Variants in TMEM108 observed in about 807,000 individuals in gnomAD.
The protein encoded by TMEM108 is cancer/testis antigen 124.
Under a neutral mutation model 35.1 loss-of-function variants are expected in TMEM108, and 12 were observed. The observed-to-expected ratio is 0.34, with a 90% CI of 0.22 to 0.55. The LOEUF is 0.55. TMEM108 is among the 20% of genes least tolerant of loss of function. The pLI, the probability that TMEM108 is intolerant of heterozygous loss-of-function variation, is 0.89. For synonymous variants in TMEM108, 287 were observed against 308.6 expected (o/e 0.93, Z 0.73); for missense variants, 680 against 753.3 (o/e 0.90, Z 1.14).
intron 2 of TMEM108, among the ~76,000 whole-genome samples, chr3:133,089,546 A>G (rs1943923960): frequency 1.3e-5 from 2 of 152,162 alleles, no homozygotes; most frequent in Non-Finnish European, 1.5e-5. Context: ...GAGTCTAGTG[A>G]CACCAATTAT....
In TMEM108 at chr3:133,073,510, CTATATATATA is replaced by C. The variant is rs1183039173; in HGVS notation, c.-47+27506_-47+27515del. 2.7e-4 allele frequency among the ~76,000 whole-genome samples: 12 copies of C among 43,910 alleles called. 1 individual carries two copies. Among genetic ancestry groups the C allele is most frequent in the African/African-American group, 3.6e-4 (3 of 8,430 alleles). 28.8% of individuals were successfully genotyped at this position (43,910 alleles called of 152,430 possible). ...TCTCTCTCTCTCTCTCTCTCTCTCT[CTATATATATA>C]TATATATATATATATCACATTTTCT... is the stretch of plus-strand genomic sequence containing the variant. On this transcript the variant is annotated intron_variant, in intron 2 of 5. Transcript: ENST00000321871.
At chr3:133,245,870 AAAT>A (rs894941708) in intron 3 of TMEM108, among the ~76,000 whole-genome samples, 41 of 152,348 alleles carry the variant, frequency 2.7e-4, no homozygotes, top group Admixed American at 1.7e-3. Flanking sequence ...AAAGCAATTT[AAAT>A]AATATTTGTA....
intron 2 of TMEM108, among the ~76,000 whole-genome samples, chr3:133,165,930 G>C (rs143900753): frequency 6.6e-6 from 1 of 152,200 alleles, no homozygotes; most frequent in East Asian, 1.9e-4. Context: ...GTCTTTTCAG[G>C]GCATGAAGGC....
intron 2 of TMEM108, among the ~76,000 whole-genome samples, chr3:133,184,463 CTT>C (rs1474755223): frequency 1.3e-5 from 2 of 152,126 alleles, no homozygotes; most frequent in Non-Finnish European, 2.9e-5. Flanking sequence ...GCAAAGAACT[CTT>C]TAAGATACTT....
intron 2 of TMEM108, among the ~76,000 whole-genome samples, chr3:133,221,045 G>T (rs1267214991): frequency 2.0e-5 from 3 of 152,222 alleles, no homozygotes; most frequent in Non-Finnish European, 4.4e-5. Flanking sequence ...TCCCTGTGGA[G>T]TTGGGGTATA....
chr3:133,150,435 C>T (rs551020738), intron 2 of TMEM108, among the ~76,000 whole-genome samples: 55 of 142,032 alleles, frequency 3.9e-4, no homozygotes, highest in African/African-American at 1.4e-3. Flanking sequence ...GATATAATAG[C>T]AAATATTTTC....
intron 3 of TMEM108, among the ~76,000 whole-genome samples, chr3:133,335,538 A>C (rs2071477352): frequency 6.6e-6 from 1 of 152,222 alleles, no homozygotes; most frequent in Admixed American, 6.5e-5. Flanking sequence ...GATAAAATAT[A>C]ATTGTTGTGA....
intron 2 of TMEM108, among the ~76,000 whole-genome samples, chr3:133,192,141 G>GGATGC (rs1386612201): frequency 2.0e-5 from 3 of 152,182 alleles, no homozygotes; most frequent in African/African-American, 7.2e-5. Context: ...GCAGGAGGAA[G>GGATGC]AGTTACAATT....
intron 2 of TMEM108, among the ~76,000 whole-genome samples, chr3:133,109,114 G>A (rs1026182803): frequency 3.9e-5 from 6 of 152,044 alleles, no homozygotes; most frequent in East Asian, 1.9e-4. Flanking sequence ...AGAATGATAC[G>A]GTGGAAAGAA....
chr3:133,133,725 G>GT (rs1944524735), intron 2 of TMEM108, among the ~76,000 whole-genome samples: 1 of 130,654 alleles, frequency 7.7e-6, no homozygotes, highest in Admixed American at 8.6e-5. Flanking sequence ...GAGTCTCGCT[G>GT]TATCACCCAG....
chr3:133,388,243 G>A (rs2073183409), intron 4 of TMEM108: 1 of 985,390 alleles, frequency 1.0e-6, no homozygotes, highest in African/African-American at 1.7e-5. Flanking sequence ...TGCAGGAGCA[G>A]AGTGAAAGGT....
chr3:133,068,274 C>G (rs1402252367), intron 2 of TMEM108, among the ~76,000 whole-genome samples: 1 of 152,042 alleles, frequency 6.6e-6, no homozygotes, highest in East Asian at 1.9e-4. Flanking sequence ...TTAGCTGAGA[C>G]ATGACCAATG....
At chr3:133,089,139 A>G (rs778980110) in intron 2 of TMEM108, among the ~76,000 whole-genome samples, 43 of 152,274 alleles carry the variant, frequency 2.8e-4, no homozygotes, top group South Asian at 8.3e-4. Context: ...GGATAGTGCT[A>G]AACTAATTAT....
At chr3:133,303,411 A>G (rs964426513) in intron 3 of TMEM108, 7 of 152,332 alleles carry the variant, frequency 4.6e-5, no homozygotes, top group African/African-American at 1.4e-4. Context: ...AATGAACCTT[A>G]TCAAGGTTTT....
At chr3:133,238,187 A>G (rs889245951) in intron 3 of TMEM108, among the ~76,000 whole-genome samples, 3 of 152,142 alleles carry the variant, frequency 2.0e-5, no homozygotes, top group Admixed American at 2.0e-4. Context: ...ATCATAACAC[A>G]TACTCTGTCC....
chr3:133,192,248 A>G (rs1349813424), intron 2 of TMEM108, among the ~76,000 whole-genome samples: 1 of 152,218 alleles, frequency 6.6e-6, no homozygotes, highest in Non-Finnish European at 1.5e-5. Flanking sequence ...TTACCGAAAT[A>G]TAAAAGCAGT....
chr3:133,109,298 A>G lies in TMEM108; in HGVS notation c.-47+63278A>G, dbSNP rs564550986. The stretch of plus-strand genomic sequence containing the variant: ...AGGTTCATTCTAATTACAATACTCT[A>G]TAACTTGTGATTCCTTTTATGAACT... On this transcript the variant is annotated intron_variant, in intron 2 of 5. Transcript: ENST00000321871. Among the ~76,000 whole-genome samples the G allele has an allele frequency of 1.6e-4, 25 of 152,250 alleles. No homozygotes were observed. The South Asian group carries it at 4.4e-3, about 27-fold the overall frequency.
intron 2 of TMEM108, among the ~76,000 whole-genome samples, chr3:133,180,019 A>T (rs1262164605): frequency 6.6e-6 from 1 of 152,180 alleles, no homozygotes; most frequent in African/African-American, 2.4e-5. Flanking sequence ...ATAGGTTCAA[A>T]AGATAGTTAA....
intron 3 of TMEM108, among the ~76,000 whole-genome samples, chr3:133,301,548 G>A (rs2107703495): frequency 6.6e-6 from 1 of 152,246 alleles, no homozygotes; most frequent in East Asian, 1.9e-4. Flanking sequence ...AGCCTTTTGT[G>A]TTTGTAAAAT....
Sources: allele counts gnomAD v4.1 joint callset (sites outside exome capture counted in the v4.1 genomes callset), GRCh38; gene constraint gnomAD v4.1.1; transcripts MANE v1.5; gene names NCBI Gene and HGNC (gene_info 2026-07-23, HGNC 2026-07-21).